C3orf18: variants seen among roughly 807,000 people sequenced by gnomAD.
C3orf18 encodes uncharacterized protein C3orf18.
C3orf18 carries 12 observed loss-of-function variants against 14.1 expected under a neutral mutation model. The ratio of observed to expected loss-of-function variants is 0.85; its 90% confidence interval spans 0.55 to 1.38. The LOEUF (loss-of-function observed/expected upper bound fraction) is 1.38, where lower values mean the gene tolerates loss of function less well. C3orf18 is among the 40% of genes most tolerant of loss of function. The pLI, the probability that C3orf18 is intolerant of heterozygous loss-of-function variation, is 0.00. For synonymous variants in C3orf18, 82 were observed against 87.9 expected (o/e 0.93, Z 0.38); for missense variants, 196 against 213.9 (o/e 0.92, Z 0.52).
intron 3 of C3orf18, among the ~76,000 whole-genome samples, chr3:50,564,515 G>C (rs1468931306): frequency 6.6e-6 from 1 of 152,148 alleles, no homozygotes; most frequent in Non-Finnish European, 1.5e-5. Flanking sequence ...CTCCTCAGCT[G>C]TTCCTAACCA....
chr3:50,571,868 C>T, upstream of C3orf18: 2 of 1,505,390 alleles, frequency 1.3e-6, no homozygotes, highest in Non-Finnish European at 1.8e-6. Flanking sequence ...CCCCTATCCC[C>T]ACCAAGTTCA....
upstream of C3orf18, chr3:50,571,571 G>A (rs1286815186): frequency 1.4e-5 from 12 of 837,410 alleles, no homozygotes; most frequent in Admixed American, 1.9e-4. Flanking sequence ...CCTTAGGCAG[G>A]ATGCTGCCCC....
At chr3:50,560,695 C>T (rs560999986) in intron 5 of C3orf18, among the ~76,000 whole-genome samples, 1 of 152,374 alleles carries the variant, frequency 6.6e-6, no homozygotes, top group South Asian at 2.1e-4. Flanking sequence ...CAGAGCCAGG[C>T]TGTATCCCAG....
At chr3:50,561,087 C>G in intron 4 of C3orf18, 23 bp from the exon 5 acceptor site, 4 of 1,611,410 alleles carry the variant, frequency 2.5e-6, no homozygotes, top group Non-Finnish European at 3.4e-6. Flanking sequence ...GCAAAGGCTG[C>G]TGGGGACAGG....
upstream of C3orf18, chr3:50,569,232 C>CTGGA (rs1026918334): frequency 2.6e-5 from 4 of 152,352 alleles, no homozygotes; most frequent in African/African-American, 9.6e-5. Context: ...TCCCCTTGGG[C>CTGGA]TGGAGCCAAA....
upstream of C3orf18, among the ~76,000 whole-genome samples, chr3:50,568,388 C>G (rs1318733029): frequency 6.6e-6 from 1 of 152,050 alleles, no homozygotes; most frequent in East Asian, 1.9e-4. Flanking sequence ...TGCAAACGCC[C>G]CTGTGTCTCC....
At position 50,558,658 on chromosome 3, in the gene C3orf18, T is replaced by A. The variant is rs903208696; in HGVS notation, c.*999A>T. ...ACCAACAGCCTCTCCCAACCCCAGA[T>A]CCTCATTAGAGCCCAAGACAGGGAG... On this transcript the variant is annotated 3_prime_UTR_variant, in exon 6 of 6. Coordinates refer to ENST00000357203, the MANE Select transcript of C3orf18 (RefSeq NM_016210.5). The A allele has an allele frequency of 7.9e-7, 1 of 1,268,218 alleles. No individual in the cohort carries two copies. The highest frequency in any genetic ancestry group is 1.0e-6 in the Non-Finnish European group (1 of 976,254). 78.6% of individuals were successfully genotyped at this position (1,268,218 alleles called of 1,614,324 possible).
chr3:50,558,337 A>G lies in C3orf18; in HGVS notation c.*1320T>C. Reference sequence around the variant, plus strand: ...CATGCCTCTGTGCATGCTTGTGTGCATATGTATGCCCAGCGTAAAAAAATG... The same window carrying G: ...CATGCCTCTGTGCATGCTTGTGTGCGTATGTATGCCCAGCGTAAAAAAATG... On this transcript the variant is annotated 3_prime_UTR_variant, in exon 6 of 6. Transcript: ENST00000357203. The G allele has an allele frequency of 4.3e-6, 1 of 233,420 alleles. No homozygotes were observed. The highest frequency in any genetic ancestry group is 2.3e-5 in the African/African-American group (1 of 43,812). The allele number at this position is 233,420 out of a possible 1,614,324, so 14.5% of individuals were successfully genotyped here. A position where few individuals can be genotyped will look rare whatever the true frequency, so the allele number is the denominator to read the frequency against.
chr3:50,571,762 TAC>T, upstream of C3orf18: 1 of 1,614,168 alleles, frequency 6.2e-7, no homozygotes, highest in African/African-American at 1.3e-5. Flanking sequence ...TCTCAGCAAC[TAC>T]AGTGTATCCG....
chr3:50,568,808 A>C (rs993649177), upstream of C3orf18, among the ~76,000 whole-genome samples: 7 of 152,046 alleles, frequency 4.6e-5, no homozygotes, highest in East Asian at 3.9e-4. Context: ...TGGTGGGGAG[A>C]TGTTGACAAG....
At chr3:50,571,037 C>T (rs1219123352), upstream of C3orf18, 2 of 1,283,560 alleles carry the variant, frequency 1.6e-6, no homozygotes, top group Non-Finnish European at 2.2e-6. Flanking sequence ...CAGCACTCAC[C>T]TCAGCAGCTG....
At chr3:50,570,014 G>C (rs1700745583), upstream of C3orf18, 1 of 152,120 alleles carries the variant, frequency 6.6e-6, no homozygotes, top group South Asian at 2.1e-4. Flanking sequence ...CCAATTTTTT[G>C]TATTTTTAGT....
rs1179115908 is a variant in C3orf18, at chr3:50,558,353, T to TA, written c.*1303dup. 1.7e-5 allele frequency: 4 copies of TA among 241,486 alleles called. No individual in the cohort carries two copies. The highest frequency in any genetic ancestry group is 1.1e-4 in the East Asian group (1 of 8,964). 15.0% of individuals were successfully genotyped at this position (241,486 alleles called of 1,614,324 possible). Reference sequence around the variant, plus strand: ...CTTGTGTGCATATGTATGCCCAGCGTAAAAAAATGCCCTGCTCTTGTGGTC... The same window carrying TA: ...CTTGTGTGCATATGTATGCCCAGCGTAAAAAAAATGCCCTGCTCTTGTGGTC... On this transcript the variant is annotated 3_prime_UTR_variant, in exon 6 of 6. Coordinates refer to ENST00000357203, the MANE Select transcript of C3orf18 (RefSeq NM_016210.5).
chr3:50,560,020 C>T (rs1699869329), intron 5 of C3orf18, among the ~76,000 whole-genome samples: 1 of 152,222 alleles, frequency 6.6e-6, no homozygotes, highest in South Asian at 2.1e-4. Context: ...TCTGTATCCC[C>T]AGGCCCTAGC....
upstream of C3orf18, chr3:50,571,091 C>A (rs763486793): frequency 7.1e-5 from 112 of 1,567,376 alleles, no homozygotes; most frequent in Non-Finnish European, 9.2e-5. Context: ...CTCTGGAGAA[C>A]CTTTCCCTGA....
Position 50,565,289 on chromosome 3 carries a change from C to A in C3orf18, c.234+177G>T. The stretch of plus-strand genomic sequence containing the variant: ...GGCTGAGGCAGGAGACTCGATTAAG[C>A]CCCAGAGGTGGAGGTTGCAGTGAGC... On this transcript the variant is annotated intron_variant, in intron 3 of 5. Coordinates refer to ENST00000357203, the MANE Select transcript of C3orf18 (RefSeq NM_016210.5). This position sits in a 1 kb window ranked among gnomAD's most constrained non-coding sequence, Gnocchi z 4.4. The A allele has an allele frequency of 1.7e-6, 1 of 598,236 alleles. No individual in the cohort carries two copies. The highest frequency in any genetic ancestry group is 2.9e-5 in the East Asian group (1 of 34,832). 37.1% of individuals were successfully genotyped at this position (598,236 alleles called of 1,614,324 possible). A position where few individuals can be genotyped will look rare whatever the true frequency, so the allele number is the denominator to read the frequency against.
Position 50,559,452 on chromosome 3 carries a change from A to T in C3orf18, c.*205T>A, listed in dbSNP as rs1161874132. ...CAGGGCCCTCAGGTCAGGAGAAGTC[A>T]GTGGTCAGAAGTCCAGCCTGGCTAG... On this transcript the variant is annotated 3_prime_UTR_variant, in exon 6 of 6. Coordinates refer to ENST00000357203, the MANE Select transcript of C3orf18 (RefSeq NM_016210.5). 1.4e-6 allele frequency: 2 copies of T among 1,409,180 alleles called. No individual in the cohort carries two copies. Among genetic ancestry groups the T allele is most frequent in the African/African-American group, 2.9e-5 (2 of 69,124 alleles). The allele number at this position is 1,409,180 out of a possible 1,614,324, so 87.3% of individuals were successfully genotyped here.
At chr3:50,570,918 C>T (rs1700884182), upstream of C3orf18, 3 of 488,886 alleles carry the variant, frequency 6.1e-6, no homozygotes, top group Non-Finnish European at 1.1e-5. Context: ...TTCCTGGTTC[C>T]TCTCACTCCC....
chr3:50,571,282 G>A, upstream of C3orf18: 3 of 1,612,508 alleles, frequency 1.9e-6, no homozygotes, highest in Non-Finnish European at 2.5e-6. Flanking sequence ...TATCCCTGAG[G>A]CCCGGGAATC....
Sources: gnomAD v4.1 joint callset for allele counts (sites outside exome capture counted in the v4.1 genomes callset) on GRCh38, gnomAD v4.1.1 for gene constraint, Gnocchi (gnomAD v3.1) non-coding constraint, MANE v1.5 for transcripts, NCBI Gene and HGNC (gene_info 2026-07-23, HGNC 2026-07-21) for gene names.